UBE4B: variants seen among roughly 807,000 people sequenced by gnomAD.
UBE4B encodes ubiquitin conjugation factor E4 B.
Under a neutral mutation model 148.1 loss-of-function variants are expected in UBE4B, and 27 were observed. The ratio of observed to expected loss-of-function variants is 0.18; its 90% confidence interval spans 0.13 to 0.25. UBE4B has a LOEUF of 0.25. Among genes scored for constraint, UBE4B ranks in the 10% least tolerant of loss-of-function variants. The probability of loss-of-function intolerance (pLI) is 1.00; values close to 1 mark genes in which losing one functional copy is unlikely to be tolerated. For synonymous variants in UBE4B, 596 were observed against 619.3 expected (o/e 0.96, Z 0.56); for missense variants, 1,170 against 1,662.4 (o/e 0.70, Z 5.15).
intron 3 of UBE4B, among the ~76,000 whole-genome samples, chr1:10,099,464 A>T (rs2101881862): frequency 6.6e-6 from 1 of 152,282 alleles, no homozygotes; most frequent in South Asian, 2.1e-4. Context: ...TATAGAGAAA[A>T]TTACTAAAGC....
intron 1 of UBE4B, among the ~76,000 whole-genome samples, chr1:10,047,488 CTTTT>C (rs952378949): frequency 1.7e-5 from 2 of 116,036 alleles, no homozygotes; most frequent in South Asian, 2.8e-4. Context: ...CTTCATATAT[CTTTT>C]TTTTTTTTTT....
Position 10,070,458 on chromosome 1 carries a change from A to C in UBE4B, c.25-1570A>C, listed in dbSNP as rs966121208. Among the ~76,000 whole-genome samples, 11 of 151,818 alleles carry C rather than the reference A, an allele frequency of 7.2e-5. No homozygotes were observed. In the East Asian group the frequency reaches 7.7e-4, roughly 11 times the overall value. On this transcript the variant is annotated intron_variant, in intron 1 of 27. Coordinates refer to ENST00000343090, the MANE Select transcript of UBE4B (RefSeq NM_001105562.3). ...AGTTAAAATTAAAAAAAAAAAAAAA[A>C]AACCATTACCAGATCCCTAGAATCT... is the stretch of plus-strand genomic sequence containing the variant.
At chr1:10,098,117 C>T (rs1274011512) in intron 3 of UBE4B, among the ~76,000 whole-genome samples, 2 of 152,082 alleles carry the variant, frequency 1.3e-5, no homozygotes, top group African/African-American at 2.4e-5. Context: ...GTGATCCACC[C>T]GCCTCAGCCT....
At position 10,042,652 on chromosome 1, in the gene UBE4B, C is replaced by G. The variant is rs374079816; in HGVS notation, c.24+8958C>G. 1.6e-4 allele frequency among the ~76,000 whole-genome samples: 24 copies of G among 152,142 alleles called. No homozygotes were observed. In the East Asian group the frequency reaches 3.1e-3, roughly 20 times the overall value. ...ACAGAGTGAGACTGTGTCTCAAAAG[C>G]AAAGAAACAAACAAACAAACATGTT... On this transcript the variant is annotated intron_variant, in intron 1 of 27. Transcript: ENST00000343090.
chr1:10,179,315 T>C, intron 26 of UBE4B, 101 bp from the exon 27 acceptor site: 1 of 1,479,298 alleles, frequency 6.8e-7, no homozygotes, highest in Non-Finnish European at 9.1e-7. Context: ...CTTTGATTGC[T>C]GTTCCTTTGG....
intron 2 of UBE4B, among the ~76,000 whole-genome samples, chr1:10,083,947 G>C (rs999015760): frequency 6.6e-6 from 1 of 152,154 alleles, no homozygotes; most frequent in Non-Finnish European, 1.5e-5. Context: ...CTTGAGACGT[G>C]TGCAGTGCTG....
chr1:10,171,047 C>G (rs2102031309), intron 24 of UBE4B, 91 bp from the exon 25 acceptor site: 1 of 1,363,086 alleles, frequency 7.3e-7, no homozygotes, highest in Middle Eastern at 1.9e-4. Flanking sequence ...TTAATCCAAC[C>G]AATTCCTGTT....
intron 8 of UBE4B, among the ~76,000 whole-genome samples, chr1:10,117,948 A>G (rs1645341353): frequency 6.6e-6 from 1 of 152,170 alleles, no homozygotes; most frequent in African/African-American, 2.4e-5. Context: ...GCCTCTGTAG[A>G]TTGCCAAGGA....
In UBE4B at chr1:10,033,509, C is replaced by T; in HGVS notation, c.-162C>T. 5.1e-6 allele frequency: 4 copies of T among 777,556 alleles called. No individual in the cohort carries two copies. The highest frequency in any genetic ancestry group is 7.4e-6 in the Non-Finnish European group (4 of 539,332). The allele number at this position is 777,556 out of a possible 1,614,324, so 48.2% of individuals were successfully genotyped here. A position where few individuals can be genotyped will look rare whatever the true frequency, so the allele number is the denominator to read the frequency against. On this transcript the variant is annotated 5_prime_UTR_variant, in exon 1 of 28. Coordinates refer to ENST00000343090, the MANE Select transcript of UBE4B (RefSeq NM_001105562.3). ...CCGAAGCCAAGGCAGTTTAGTGCCT[C>T]TCGTGTTCTTATTTTTTAACCTCTG... is the stretch of plus-strand genomic sequence containing the variant.
chr1:10,122,188 A>AT (rs1645422430), intron 10 of UBE4B, 112 bp downstream of exon 10: 4 of 628,260 alleles, frequency 6.4e-6, no homozygotes, highest in Admixed American at 3.0e-5. Context: ...ATGTGTTATT[A>AT]GAGAGAAGGC....
At chr1:10,058,278 C>T (rs1356725607) in intron 1 of UBE4B, among the ~76,000 whole-genome samples, 1 of 152,024 alleles carries the variant, frequency 6.6e-6, no homozygotes, top group Non-Finnish European at 1.5e-5. Context: ...GGATAAGTAA[C>T]CTGGAAAGTG....
At chr1:10,037,851 C>T (rs934191894) in intron 1 of UBE4B, among the ~76,000 whole-genome samples, 3 of 152,118 alleles carry the variant, frequency 2.0e-5, no homozygotes, top group Non-Finnish European at 4.4e-5. Context: ...CCACCATGCC[C>T]AGCCAAGTAG....
chr1:10,116,539 G>A lies in UBE4B; in HGVS notation c.1197-920G>A, dbSNP rs1036664488. ...TCAGTACTCCTTACTTTTTCCTGTC[G>A]TAATTAATCCGTATGTGTCTTTTAT... On this transcript the variant is annotated intron_variant, in intron 7 of 27. Coordinates refer to ENST00000343090, the MANE Select transcript of UBE4B (RefSeq NM_001105562.3). Among the ~76,000 whole-genome samples the A allele has an allele frequency of 9.9e-5, 15 of 151,988 alleles. 1 individual carries two copies. The South Asian group carries it at 1.5e-3, about 15-fold the overall frequency.
chr1:10,125,992 A>G (rs1333230478), intron 10 of UBE4B, among the ~76,000 whole-genome samples: 1 of 152,152 alleles, frequency 6.6e-6, no homozygotes, highest in Non-Finnish European at 1.5e-5. Flanking sequence ...ATAAATGGGG[A>G]AAAGCTTTTA....
At chr1:10,177,525 A>C (rs1174754478) in intron 25 of UBE4B, among the ~76,000 whole-genome samples, 1 of 152,052 alleles carries the variant, frequency 6.6e-6, no homozygotes, top group Admixed American at 6.5e-5. Context: ...GCATAGTGGC[A>C]TGCACCTGTA....
At chr1:10,142,586 G>A (rs139871424) in intron 17 of UBE4B, among the ~76,000 whole-genome samples, 1 of 152,044 alleles carries the variant, frequency 6.6e-6, no homozygotes, top group Non-Finnish European at 1.5e-5. Context: ...CAGGAGAATC[G>A]CTTGAACACG....
At chr1:10,153,518 A>AC (rs1646014218) in intron 21 of UBE4B, among the ~76,000 whole-genome samples, 1 of 145,174 alleles carries the variant, frequency 6.9e-6, no homozygotes, top group Non-Finnish European at 1.5e-5. Flanking sequence ...AAAAAAAAAA[A>AC]GGGTAAAAAG....
In UBE4B at chr1:10,161,916, T is replaced by A. The variant is rs190115449; in HGVS notation, c.3198+630T>A. On this transcript the variant is annotated intron_variant, in intron 23 of 27. Coordinates refer to ENST00000343090, the MANE Select transcript of UBE4B (RefSeq NM_001105562.3). This position sits in a 1 kb window ranked among gnomAD's most constrained non-coding sequence, Gnocchi z 4.1. ...GGCTTAGGTTTATTGATTCTGTTCT[T>A]GGAATTGTCAGGCTCAGAATCAGAA... 1.1e-4 allele frequency among the ~76,000 whole-genome samples: 16 copies of A among 152,252 alleles called. No individual in the cohort carries two copies. The highest frequency in any genetic ancestry group is 2.1e-4 in the South Asian group (1 of 4,824).
intron 1 of UBE4B, among the ~76,000 whole-genome samples, chr1:10,057,160 G>A (rs1644188313): frequency 6.6e-6 from 1 of 151,926 alleles, no homozygotes; most frequent in Admixed American, 6.6e-5. Context: ...TAAGTATTAT[G>A]GGTGACTTAA....
Sources: gnomAD v4.1 joint callset for allele counts (sites outside exome capture counted in the v4.1 genomes callset) on GRCh38, gnomAD v4.1.1 for gene constraint, Gnocchi (gnomAD v3.1) non-coding constraint, MANE v1.5 for transcripts, NCBI Gene and HGNC (gene_info 2026-07-23, HGNC 2026-07-21) for gene names.